MED13L: variants seen among roughly 807,000 people sequenced by gnomAD.
The protein encoded by MED13L is mediator complex subunit 13L, also known as mediator of RNA polymerase II transcription subunit 13-like.
MED13L carries 7 observed loss-of-function variants against 220.9 expected under a neutral mutation model. The observed-to-expected ratio is 0.03, with a 90% CI of 0.02 to 0.06. The LOEUF is 0.06. MED13L is among the 10% of genes least tolerant of loss of function. MED13L has a pLI of 1.00. For missense variants in MED13L, 1,965 were observed against 2,760.5 expected, an observed-to-expected ratio of 0.71 and a Z score of 6.46; for synonymous variants, 1,011 against 1,015.2, an observed-to-expected ratio of 1.00 and a Z score of 0.08.
intron 2 of MED13L, among the ~76,000 whole-genome samples, chr12:116,131,853 C>T (rs1048687042): frequency 3.9e-5 from 6 of 152,058 alleles, no homozygotes; most frequent in African/African-American, 9.7e-5. Context: ...TGGTGGCACA[C>T]GCCTGTAGTC....
chr12:116,005,811 T>G (rs1402406882), intron 13 of MED13L, 58 bp downstream of exon 13: 13 of 1,598,732 alleles, frequency 8.1e-6, no homozygotes, highest in Non-Finnish European at 1.0e-5. Context: ...ACTACAACAC[T>G]GATATAAAGT....
intron 2 of MED13L, among the ~76,000 whole-genome samples, chr12:116,155,121 C>T (rs1878330813): frequency 6.6e-6 from 1 of 152,170 alleles, no homozygotes; most frequent in Non-Finnish European, 1.5e-5. Flanking sequence ...GCCACCACCA[C>T]CGGCCAAGAT....
chr12:116,120,484 C>A (rs893070792), intron 2 of MED13L, among the ~76,000 whole-genome samples: 1 of 131,912 alleles, frequency 7.6e-6, no homozygotes, highest in Admixed American at 7.4e-5. Context: ...CTCTCACACA[C>A]ACACACACAC....
chr12:115,987,030 G>C (rs933920589), intron 18 of MED13L, 79 bp downstream of exon 18: 16 of 1,410,252 alleles, frequency 1.1e-5, no homozygotes, highest in South Asian at 7.0e-5. Context: ...GTGACGCAAG[G>C]ACTTGACAGT....
At chr12:116,109,509 G>A (rs1873897030) in intron 3 of MED13L, among the ~76,000 whole-genome samples, 1 of 151,842 alleles carries the variant, frequency 6.6e-6, no homozygotes, top group Admixed American at 6.6e-5. Context: ...CTTCTGAAAG[G>A]AATAAATCAT....
At chr12:116,076,378 A>T (rs1026942613) in intron 4 of MED13L, among the ~76,000 whole-genome samples, 1 of 152,038 alleles carries the variant, frequency 6.6e-6, no homozygotes. Context: ...CTCTACAATA[A>T]ATACACAAAT....
At chr12:116,113,654 G>A (rs1250843723) in intron 2 of MED13L, among the ~76,000 whole-genome samples, 2 of 145,642 alleles carry the variant, frequency 1.4e-5, no homozygotes, top group African/African-American at 5.1e-5. Context: ...GTGAAAGCCT[G>A]TCTCATAAAA....
rs757295473 is a variant in MED13L at position 115,972,175 on chromosome 12, C to A, written c.5793G>T (p.Val1931=). 10 of 1,614,042 alleles carry A rather than the reference C, an allele frequency of 6.2e-6. No individual in the cohort carries two copies. Among genetic ancestry groups the A allele is most frequent in the Non-Finnish European group, 8.5e-6 (10 of 1,179,926 alleles). ...LQTISKKLKD[V]CRMCGISAAD... ...CGGCAGAGATTCCACACATCCGGCA[C>A]ACATCCTTGAGCTTTTTGCTGATTG... The change falls in exon 26 of 31, where the codon GTG becomes GTT. Residue 1931 remains valine, a synonymous_variant. Coordinates refer to ENST00000281928, the MANE Select transcript of MED13L (RefSeq NM_015335.5).
At chr12:116,075,977 G>A (rs1047476586) in intron 4 of MED13L, among the ~76,000 whole-genome samples, 8 of 148,404 alleles carry the variant, frequency 5.4e-5, no homozygotes, top group Non-Finnish European at 1.0e-4. Flanking sequence ...GCAGTGGCGC[G>A]ATCTCGGCTC....
At chr12:116,085,754 T>TCA (rs10611880) in intron 4 of MED13L, among the ~76,000 whole-genome samples, 13,986 of 147,006 alleles carry the variant, frequency 0.095, 676 homozygotes, top group Middle Eastern at 0.13. Flanking sequence ...TTAAAATCAC[T>TCA]CACACACACA....
rs1592956795 is a variant in MED13L, at chr12:116,022,608, AAG to A, written c.480-9_480-8del. The A allele has an allele frequency of 6.2e-7, 1 of 1,610,740 alleles. No homozygotes were observed. The highest frequency in any genetic ancestry group is 1.7e-5 in the Admixed American group (1 of 59,634). The stretch of plus-strand genomic sequence containing the variant: ...AGCACAGGACAAATGCTCACTACAA[AAG>A]AGAGAATGAGAAACTCAACTTTATA... On this transcript the variant is annotated splice_polypyrimidine_tract_variant and splice_region_variant and intron_variant, in intron 4 of 30. Transcript: ENST00000281928.
chr12:116,205,532 G>GAAAAAAAAAAAAAAAAAGAAAAAA (rs1882260115), intron 2 of MED13L, among the ~76,000 whole-genome samples: 2 of 94,028 alleles, frequency 2.1e-5, no homozygotes, highest in Non-Finnish European at 2.1e-5. Flanking sequence ...CAAAGGAAGA[G>GAAAAAAAAAAAAAAAAAGAAAAAA]AAAAAAAAAA....
intron 2 of MED13L, among the ~76,000 whole-genome samples, chr12:116,112,139 T>G (rs1412486211): frequency 6.6e-6 from 1 of 152,196 alleles, no homozygotes; most frequent in Non-Finnish European, 1.5e-5. Context: ...GAGCCACAAG[T>G]AACTCCAACA....
At chr12:116,055,688 A>G (rs1269762444) in intron 4 of MED13L, among the ~76,000 whole-genome samples, 3 of 152,166 alleles carry the variant, frequency 2.0e-5, no homozygotes, top group African/African-American at 4.8e-5. Context: ...TGAGGTCGGG[A>G]GTTCAAGACC....
intron 4 of MED13L, among the ~76,000 whole-genome samples, chr12:116,039,773 T>C (rs150577284): frequency 1.1e-4 from 16 of 151,630 alleles, no homozygotes; most frequent in African/African-American, 3.1e-4. Context: ...AAAGCATGAG[T>C]TCAAGATGTA....
intron 2 of MED13L, among the ~76,000 whole-genome samples, chr12:116,158,021 G>A (rs945113729): frequency 2.0e-5 from 3 of 152,124 alleles, no homozygotes; most frequent in African/African-American, 7.2e-5. Context: ...ACAGTCCGGA[G>A]TAAAAACAAA....
intron 2 of MED13L, among the ~76,000 whole-genome samples, chr12:116,152,785 T>C (rs950355447): frequency 6.6e-6 from 1 of 152,186 alleles, no homozygotes; most frequent in Admixed American, 6.5e-5. Context: ...TTATGGTTTA[T>C]GAGACTTGCT....
intron 4 of MED13L, among the ~76,000 whole-genome samples, chr12:116,025,123 G>GA (rs1389700907): frequency 1.3e-5 from 2 of 151,992 alleles, no homozygotes; most frequent in Admixed American, 6.6e-5. Context: ...CAGGTATATA[G>GA]AAAAAATGTT....
chr12:115,989,847 T>C (rs1342681328), intron 17 of MED13L, among the ~76,000 whole-genome samples: 2 of 152,174 alleles, frequency 1.3e-5, no homozygotes, highest in African/African-American at 4.8e-5. Context: ...TGTTTCTTAC[T>C]AGGTCTTCCT....
Sources: allele counts gnomAD v4.1 joint callset (sites outside exome capture counted in the v4.1 genomes callset), GRCh38; gene constraint gnomAD v4.1.1; transcripts MANE v1.5; gene names NCBI Gene and HGNC (gene_info 2026-07-23, HGNC 2026-07-21).